The following C13orf46 variants were observed in gnomAD, a reference collection of about 807,000 sequenced individuals.
C13orf46 encodes the protein chromosome 13 open reading frame 46.
At chr13:113,944,519 T>C in the C13orf46 span, among the ~76,000 whole-genome samples, 2 of 151,964 alleles carry the variant, frequency 1.3e-5, no homozygotes, top group Non-Finnish European at 2.9e-5. Flanking sequence ...GCCCTCCAGG[T>C]GTGTGACGGG....
the C13orf46 span, among the ~76,000 whole-genome samples, chr13:113,936,533 G>A: frequency 6.6e-6 from 1 of 152,176 alleles, no homozygotes; most frequent in Non-Finnish European, 1.5e-5. Flanking sequence ...GGGGGAAACC[G>A]TTTCCTGGCC....
At chr13:113,958,619 A>T (rs1250774853) in intron 6 of C13orf46, among the ~76,000 whole-genome samples, 1 of 152,268 alleles carries the variant, frequency 6.6e-6, no homozygotes, top group Non-Finnish European at 1.5e-5. Context: ...AACCGTGAAC[A>T]GAAACACGGC....
chr13:113,937,317 G>A, the C13orf46 span, among the ~76,000 whole-genome samples: 6 of 152,218 alleles, frequency 3.9e-5, no homozygotes, highest in African/African-American at 1.2e-4. Flanking sequence ...CAGCCAGAGT[G>A]CAGTCCACAT....
intron 6 of C13orf46, among the ~76,000 whole-genome samples, chr13:113,959,990 T>C (rs1006136094): frequency 6.6e-6 from 1 of 152,148 alleles, no homozygotes; most frequent in East Asian, 1.9e-4. Flanking sequence ...TGGTGGCTCA[T>C]GCCTGTAATC....
chr13:113,951,099 G>T (rs1001491272), downstream of C13orf46, among the ~76,000 whole-genome samples: 1 of 152,354 alleles, frequency 6.6e-6, no homozygotes, highest in African/African-American at 2.4e-5. Context: ...CCTCATGGGC[G>T]TGTGGTCCTG....
intron 6 of C13orf46, among the ~76,000 whole-genome samples, chr13:113,958,510 G>A (rs1162609256): frequency 2.0e-5 from 3 of 152,294 alleles, no homozygotes; most frequent in East Asian, 3.9e-4. Context: ...CGTCTGCCGC[G>A]GTTCGTGATT....
At chr13:113,936,239 T>C in the C13orf46 span, among the ~76,000 whole-genome samples, 1 of 152,164 alleles carries the variant, frequency 6.6e-6, no homozygotes, top group African/African-American at 2.4e-5. Context: ...ATAGAGCCCA[T>C]TCATCCAGGC....
At chr13:113,933,273 G>T in the C13orf46 span, among the ~76,000 whole-genome samples, 6 of 152,284 alleles carry the variant, frequency 3.9e-5, no homozygotes, top group South Asian at 1.2e-3. Context: ...TGTGGAAAAG[G>T]TTATTCTCTC....
At chr13:113,961,530 C>A (rs2052586817) in intron 6 of C13orf46, among the ~76,000 whole-genome samples, 1 of 144,688 alleles carries the variant, frequency 6.9e-6, no homozygotes, top group Non-Finnish European at 1.5e-5. Flanking sequence ...TGTGGCTGTT[C>A]TAAGGTTTTG....
At chr13:113,927,421 C>A in the C13orf46 span, 1 of 397,098 alleles carries the variant, frequency 2.5e-6, no homozygotes, top group South Asian at 1.4e-4. Flanking sequence ...ACCCTCTTTC[C>A]ATCCTCAGGT....
intron 1 of C13orf46, among the ~76,000 whole-genome samples, chr13:113,972,769 A>G (rs2052722393): frequency 1.3e-5 from 2 of 152,202 alleles, no homozygotes; most frequent in African/African-American, 4.8e-5. Flanking sequence ...GCAGGGACCC[A>G]GGCCCTCACC....
the C13orf46 span, among the ~76,000 whole-genome samples, chr13:113,935,304 G>C: frequency 3.3e-5 from 5 of 152,232 alleles, no homozygotes; most frequent in Non-Finnish European, 5.9e-5. Flanking sequence ...CACTGGGAGG[G>C]GCGACTGCAG....
chr13:113,936,852 T>G, the C13orf46 span, among the ~76,000 whole-genome samples: 1 of 150,542 alleles, frequency 6.6e-6, no homozygotes, highest in African/African-American at 2.5e-5. Context: ...TGAAAAGACA[T>G]CTCAAAGGCC....
At position 113,967,374 on chromosome 13, in the gene C13orf46, A is replaced by G. The variant is rs1403052921; in HGVS notation, c.471T>C (p.Phe157=). Residue 157 remains phenylalanine, a synonymous_variant, in exon 5 of 7, where the codon TTT becomes TTC. Coordinates refer to ENST00000636427, the MANE Select transcript of C13orf46 (RefSeq NM_001365455.2). ...CATGGTCTCCCAGATCAATCTCCAC[A>G]AACACAGATGCTTTCTGCGAATGGA... ...DLQEEEKASV[F]VEIDLGDHAE... 6.6e-6 allele frequency: 1 copy of G among 152,196 alleles called. No homozygotes were observed. Among genetic ancestry groups the G allele is most frequent in the Non-Finnish European group, 1.5e-5 (1 of 68,040 alleles). 9.4% of individuals were successfully genotyped at this position (152,196 alleles called of 1,614,324 possible).
chr13:113,962,794 G>A (rs957339286), intron 6 of C13orf46, among the ~76,000 whole-genome samples: 1 of 152,184 alleles, frequency 6.6e-6, no homozygotes, highest in Non-Finnish European at 1.5e-5. Context: ...GCTGTGTGCC[G>A]AGTGCCAAAT....
the C13orf46 span, among the ~76,000 whole-genome samples, chr13:113,945,668 GA>G: frequency 3.0e-3 from 407 of 133,664 alleles, 5 homozygotes; most frequent in African/African-American, 0.01. Context: ...AAGAAAGAAA[GA>G]AAGGAAAGAA....
chr13:113,942,555 A>G, the C13orf46 span, among the ~76,000 whole-genome samples: 1 of 152,190 alleles, frequency 6.6e-6, no homozygotes, highest in Non-Finnish European at 1.5e-5. Context: ...CCTTACCTCC[A>G]CAGGATGCTT....
chr13:113,951,340 C>T (rs2052487838), downstream of C13orf46, among the ~76,000 whole-genome samples: 1 of 152,196 alleles, frequency 6.6e-6, no homozygotes, highest in Non-Finnish European at 1.5e-5. Flanking sequence ...GCAAGGTCGT[C>T]CCTGCGGGCC....
chr13:113,963,139 T>C (rs902037892), intron 6 of C13orf46, among the ~76,000 whole-genome samples: 23 of 152,104 alleles, frequency 1.5e-4, no homozygotes, highest in African/African-American at 5.6e-4. Context: ...GGATGCCGCT[T>C]GGCAGGTACA....
Sources: allele counts gnomAD v4.1 joint callset (sites outside exome capture counted in the v4.1 genomes callset), GRCh38; gene constraint gnomAD v4.1.1; transcripts MANE v1.5; gene names NCBI Gene and HGNC (gene_info 2026-07-23, HGNC 2026-07-21).